The following PHACTR2 variants were observed in gnomAD, a reference collection of about 807,000 sequenced individuals.
The protein encoded by PHACTR2 is phosphatase and actin regulator 2, also known as chromosome 6 open reading frame 56.
A neutral mutation model predicts 76.0 loss-of-function variants in PHACTR2; 30 were observed. The ratio of observed to expected loss-of-function variants is 0.39; its 90% CI spans 0.30 to 0.54. The LOEUF (loss-of-function observed/expected upper bound fraction) is 0.54, where lower values mean the gene tolerates loss of function less well. Ranked by LOEUF, PHACTR2 falls within the 20% of genes least tolerant of loss-of-function variation. PHACTR2 has a pLI of 0.61. For missense variants in PHACTR2, 696 were observed against 781.1 expected (o/e 0.89, Z 1.30); for synonymous variants, 292 against 292.5 (o/e 1.00, Z 0.02).
chr6:143,661,847 G>T (rs1293338637), intron 1 of PHACTR2, among the ~76,000 whole-genome samples: 1 of 152,094 alleles, frequency 6.6e-6, no homozygotes, highest in Non-Finnish European at 1.5e-5. Context: ...ATGAGCCACT[G>T]CACCTGACCT....
rs1009528034 is a variant in PHACTR2 at position 143,818,240 on chromosome 6, AC to A, written c.1923-5430del. Among the ~76,000 whole-genome samples, 4 of 152,138 alleles carry A rather than the reference AC, an allele frequency of 2.6e-5. No individual in the cohort carries two copies. Among genetic ancestry groups the A allele is most frequent in the African/African-American group, 9.7e-5 (4 of 41,418 alleles). ...GCTACCCAGAGAACACCAGAAAATC[AC>A]CCCTTCAAATAGAAGTACAGATGAA... is the stretch of plus-strand genomic sequence containing the variant. On this transcript the variant is annotated intron_variant, in intron 12 of 12. Coordinates refer to ENST00000440869, the MANE Select transcript of PHACTR2 (RefSeq NM_001100164.2). The surrounding 1 kb of genome is among the most constrained non-coding windows in gnomAD (Gnocchi z 4.9).
chr6:143,800,550 C>T lies in PHACTR2; in HGVS notation c.1846-6507C>T, dbSNP rs937260005. ...TGCTGGGATTACAGGTGTGAGCCAC[C>T]GCACCCAGCCCATCCCTTTATTTTG... is the stretch of plus-strand genomic sequence containing the variant. On this transcript the variant is annotated intron_variant, in intron 11 of 12. Coordinates refer to ENST00000440869, the MANE Select transcript of PHACTR2 (RefSeq NM_001100164.2). This position sits in a 1 kb window ranked among gnomAD's most constrained non-coding sequence, Gnocchi z 4.8. 6.6e-6 allele frequency among the ~76,000 whole-genome samples: 1 copy of T among 152,096 alleles called. No homozygotes were observed. Among genetic ancestry groups the T allele is most frequent in the Non-Finnish European group, 1.5e-5 (1 of 67,992 alleles).
rs1775766990 is a variant in PHACTR2 at position 143,597,445 on chromosome 6, A to C, written c.217+60238A>C. ...CCTCTACCCACAGACCATCCTAAAAATAAAGTGAAATCCCTACTCTCTACA... is the reference window on the plus strand; with the variant it reads ...CCTCTACCCACAGACCATCCTAAAACTAAAGTGAAATCCCTACTCTCTACA... On this transcript the variant is annotated intron_variant, in intron 1 of 11. Transcript: ENST00000367584. The surrounding 1 kb of genome is among the most constrained non-coding windows in gnomAD (Gnocchi z 5.7). 6.6e-6 allele frequency among the ~76,000 whole-genome samples: 1 copy of C among 152,236 alleles called. No individual in the cohort carries two copies. Among genetic ancestry groups the C allele is most frequent in the Non-Finnish European group, 1.5e-5 (1 of 68,030 alleles).
upstream of PHACTR2, chr6:143,677,910 C>T (rs1008458321): frequency 1.6e-6 from 1 of 632,768 alleles, no homozygotes; most frequent in South Asian, 3.7e-5. Flanking sequence ...CCCTCACCCC[C>T]CTTCTTCCCC....
chr6:143,666,203 G>T (rs756254026), intron 1 of PHACTR2, among the ~76,000 whole-genome samples: 142 of 152,202 alleles, frequency 9.3e-4, no homozygotes, highest in Non-Finnish European at 1.7e-3. Flanking sequence ...GAAAGGACAT[G>T]AACTAATCCT....
At chr6:143,727,320 T>C (rs1263165356) in intron 2 of PHACTR2, among the ~76,000 whole-genome samples, 1 of 152,148 alleles carries the variant, frequency 6.6e-6, no homozygotes, top group Non-Finnish European at 1.5e-5. Context: ...CAGCATTCCA[T>C]TGTGTGTACA....
intron 1 of PHACTR2, among the ~76,000 whole-genome samples, chr6:143,555,756 A>G (rs1405299186): frequency 6.6e-6 from 1 of 152,050 alleles, no homozygotes; most frequent in Non-Finnish European, 1.5e-5. Flanking sequence ...TTCCTACCTC[A>G]TCGTGTGAAT....
Position 143,764,812 on chromosome 6 carries a change from C to A in PHACTR2, c.695-449C>A, listed in dbSNP as rs1779518720. On this transcript the variant is annotated intron_variant, in intron 5 of 12. Coordinates refer to ENST00000440869, the MANE Select transcript of PHACTR2 (RefSeq NM_001100164.2). This position sits in a 1 kb window ranked among gnomAD's most constrained non-coding sequence, Gnocchi z 4.7. ...CCCAGTCTCTTCTGAATACAGGCCA[C>A]CACTCTATTCCTAGAAAGACAGCAT... Among the ~76,000 whole-genome samples the A allele has an allele frequency of 6.6e-6, 1 of 152,164 alleles. No individual in the cohort carries two copies. Among genetic ancestry groups the A allele is most frequent in the Non-Finnish European group, 1.5e-5 (1 of 68,032 alleles).
chr6:143,633,156 G>A lies in PHACTR2; in HGVS notation c.13+24834G>A, dbSNP rs1162205492. Among the ~76,000 whole-genome samples the A allele has an allele frequency of 3.9e-5, 6 of 152,204 alleles. No homozygotes were observed. Among genetic ancestry groups the A allele is most frequent in the African/African-American group, 1.4e-4 (6 of 41,434 alleles). On this transcript the variant is annotated intron_variant, in intron 1 of 11. Transcript: ENST00000305766. This position sits in a 1 kb window ranked among gnomAD's most constrained non-coding sequence, Gnocchi z 4.1. The stretch of plus-strand genomic sequence containing the variant: ...GCAATTGCTGAATCATAGGGTGAGA[G>A]TATATTTAGTTTTATAAGAAACTGC...
At chr6:143,770,613 G>A (rs1405052805) in intron 6 of PHACTR2, among the ~76,000 whole-genome samples, 2 of 152,180 alleles carry the variant, frequency 1.3e-5, no homozygotes, top group Non-Finnish European at 2.9e-5. Flanking sequence ...AATTTTGACA[G>A]TGATCACTCA....
In PHACTR2 at chr6:143,647,638, A is replaced by G. The variant is rs1003233695; in HGVS notation, c.13+39316A>G. Among the ~76,000 whole-genome samples, 2 of 152,228 alleles carry G rather than the reference A, an allele frequency of 1.3e-5. No homozygotes were observed. The highest frequency in any genetic ancestry group is 4.8e-5 in the African/African-American group (2 of 41,476). On this transcript the variant is annotated intron_variant, in intron 1 of 11. Coordinates refer to the PHACTR2 transcript ENST00000305766. The surrounding 1 kb of genome is among the most constrained non-coding windows in gnomAD (Gnocchi z 4.2). ...GGGGTTTTGACTTTACGCGGGAGTC[A>G]GGGAAGGCCTCCGTGAGGATTTGTT...
chr6:143,537,022 C>G lies in PHACTR2; in HGVS notation c.32C>G (p.Ser11Cys), dbSNP rs1410065340. The change falls in exon 1 of 12, where the codon TCC (serine) becomes TGC (cysteine). Residue 11 changes from serine to cysteine, a missense_variant. Coordinates refer to the PHACTR2 transcript ENST00000367584. This position sits in a 1 kb window ranked among gnomAD's most constrained non-coding sequence, Gnocchi z 4.4. Reference sequence around the variant, plus strand: ...GAGGCGGGCTGGCGCCCCGCGGCGTCCCCGGTCGATCCGGCCGGGCAGGCG... The same window carrying G: ...GAGGCGGGCTGGCGCCCCGCGGCGTGCCCGGTCGATCCGGCCGGGCAGGCG... The G allele has an allele frequency of 5.9e-6, 1 of 170,118 alleles. No homozygotes were observed. Among genetic ancestry groups the G allele is most frequent in the East Asian group, 1.7e-4 (1 of 5,982 alleles). 10.5% of individuals were successfully genotyped at this position (170,118 alleles called of 1,614,324 possible). A position where few individuals can be genotyped will look rare whatever the true frequency, so the allele number is the denominator to read the frequency against.
rs1365874137 is a variant in PHACTR2, at chr6:143,827,163, T to TAC, written c.*3475_*3476insCA. 0.027 allele frequency: 1,159 copies of TAC among 43,210 alleles called. 19 individuals are homozygous for TAC. The highest frequency in any genetic ancestry group is 0.045 in the Non-Finnish European group (909 of 20,098). The allele number at this position is 43,210 out of a possible 1,614,324, so 2.7% of individuals were successfully genotyped here. A position where few individuals can be genotyped will look rare whatever the true frequency, so the allele number is the denominator to read the frequency against. ...TTGGCATTAAAAAAGAAAATATATA[T>TAC]ATATATATATATATATATATATATA... On this transcript the variant is annotated 3_prime_UTR_variant, in exon 13 of 13. Coordinates refer to ENST00000440869, the MANE Select transcript of PHACTR2 (RefSeq NM_001100164.2).
In PHACTR2 at chr6:143,556,875, C is replaced by T. The variant is rs913174424; in HGVS notation, c.217+19668C>T. On this transcript the variant is annotated intron_variant, in intron 1 of 11. Transcript: ENST00000367584. This position sits in a 1 kb window ranked among gnomAD's most constrained non-coding sequence, Gnocchi z 4.3. The stretch of plus-strand genomic sequence containing the variant: ...AAGTATTCTTTTTTAAAAATATGGG[C>T]CAGGAACTAATAAAAATGATGCACA... Among the ~76,000 whole-genome samples the T allele has an allele frequency of 1.3e-5, 2 of 152,044 alleles. No homozygotes were observed. The highest frequency in any genetic ancestry group is 4.8e-5 in the African/African-American group (2 of 41,388).
rs1044536978 is a variant in PHACTR2, at chr6:143,672,885, T to TG, written c.14-39129dup. Among the ~76,000 whole-genome samples the TG allele has an allele frequency of 3.3e-5, 5 of 151,980 alleles. No individual in the cohort carries two copies. The highest frequency in any genetic ancestry group is 2.0e-4 in the Admixed American group (3 of 15,276). On this transcript the variant is annotated intron_variant, in intron 1 of 11. Coordinates refer to the PHACTR2 transcript ENST00000305766. This position sits in a 1 kb window ranked among gnomAD's most constrained non-coding sequence, Gnocchi z 5.8. ...GATTACAGGAGTGCACCACCACGCC[T>TG]GGCTAATTTTTGTATTTTTAGTAGA...
At chr6:143,687,744 G>A (rs1777555604) in intron 1 of PHACTR2, among the ~76,000 whole-genome samples, 1 of 152,134 alleles carries the variant, frequency 6.6e-6, no homozygotes, top group Non-Finnish European at 1.5e-5. Flanking sequence ...TAACACTAAG[G>A]AAATTTGGCT....
Position 143,546,131 on chromosome 6 carries a change from A to G in PHACTR2, c.217+8924A>G, listed in dbSNP as rs1321610354. Among the ~76,000 whole-genome samples the G allele has an allele frequency of 6.6e-6, 1 of 152,210 alleles. No homozygotes were observed. Among genetic ancestry groups the G allele is most frequent in the Non-Finnish European group, 1.5e-5 (1 of 68,040 alleles). ...GCAGCTTTAGTGTTTTTAAAATACC[A>G]TGCTGAGTGACTCATTATCTTTGAT... is the stretch of plus-strand genomic sequence containing the variant. On this transcript the variant is annotated intron_variant, in intron 1 of 11. Transcript: ENST00000367584. The surrounding 1 kb of genome is among the most constrained non-coding windows in gnomAD (Gnocchi z 4.9).
At position 143,784,255 on chromosome 6, in the gene PHACTR2, C is replaced by A. The variant is rs1311006275; in HGVS notation, c.1707+975C>A. Among the ~76,000 whole-genome samples the A allele has an allele frequency of 6.6e-6, 1 of 152,174 alleles. No individual in the cohort carries two copies. Among genetic ancestry groups the A allele is most frequent in the Non-Finnish European group, 1.5e-5 (1 of 68,040 alleles). On this transcript the variant is annotated intron_variant, in intron 10 of 12. Transcript: ENST00000440869. This position sits in a 1 kb window ranked among gnomAD's most constrained non-coding sequence, Gnocchi z 4.5. ...CCTGCTACAGTGCTACCCAGATTGA[C>A]AAATGTCTTACCTCCCAAACTCAGA... is the stretch of plus-strand genomic sequence containing the variant.
chr6:143,577,326 A>T (rs1289698729), intron 1 of PHACTR2, among the ~76,000 whole-genome samples: 1 of 152,244 alleles, frequency 6.6e-6, no homozygotes, highest in Non-Finnish European at 1.5e-5. Context: ...TCAGTATTTT[A>T]AAATAAAATA....
Sources: gnomAD v4.1 joint callset for allele counts (sites outside exome capture counted in the v4.1 genomes callset) on GRCh38, gnomAD v4.1.1 for gene constraint, Gnocchi (gnomAD v3.1) non-coding constraint, MANE v1.5 for transcripts, NCBI Gene and HGNC (gene_info 2026-07-23, HGNC 2026-07-21) for gene names.